HEMK2: variants seen among roughly 807,000 people sequenced by gnomAD.
The protein encoded by HEMK2 is HemK methyltransferase 2, ETF1 glutamine and histone H4 lysine, also known as methyltransferase HEMK2.
At chr21:28,675,977 C>T in the HEMK2 span, among the ~76,000 whole-genome samples, 1 of 152,146 alleles carries the variant, frequency 6.6e-6, no homozygotes. Flanking sequence ...ATTACCCTGC[C>T]CCGTGGAATT....
chr21:28,813,788 C>G, the HEMK2 span, among the ~76,000 whole-genome samples: 1 of 152,298 alleles, frequency 6.6e-6, no homozygotes, highest in African/African-American at 2.4e-5. Context: ...CTACAATTAT[C>G]TGATCTTTGA....
chr21:28,750,929 GC>G, the HEMK2 span, among the ~76,000 whole-genome samples: 1 of 152,184 alleles, frequency 6.6e-6, no homozygotes, highest in South Asian at 2.1e-4. Context: ...ACTTCAGAGA[GC>G]ATTAAGATAC....
chr21:28,704,018 C>T, the HEMK2 span, among the ~76,000 whole-genome samples: 1 of 152,154 alleles, frequency 6.6e-6, no homozygotes, highest in South Asian at 2.1e-4. Flanking sequence ...CATGTCTGCT[C>T]ATGTCACATT....
the HEMK2 span, among the ~76,000 whole-genome samples, chr21:28,622,848 G>C: frequency 1.3e-5 from 2 of 152,132 alleles, no homozygotes; most frequent in Non-Finnish European, 2.9e-5. Flanking sequence ...ATGGATTAAA[G>C]ACTTAAACGT....
the HEMK2 span, among the ~76,000 whole-genome samples, chr21:28,576,393 G>A: frequency 6.6e-6 from 1 of 152,074 alleles, no homozygotes; most frequent in Non-Finnish European, 1.5e-5. Context: ...CTCTTGTGAA[G>A]TATCTCTTTC....
At chr21:28,600,503 T>C in the HEMK2 span, among the ~76,000 whole-genome samples, 1 of 152,310 alleles carries the variant, frequency 6.6e-6, no homozygotes, top group Middle Eastern at 3.4e-3. Context: ...TGAAACCTTT[T>C]TTTCTTCCAA....
the HEMK2 span, among the ~76,000 whole-genome samples, chr21:28,696,234 G>A: frequency 2.6e-5 from 4 of 152,126 alleles, no homozygotes; most frequent in Admixed American, 2.0e-4. Context: ...TGGGAATTAT[G>A]GGAGCTACAA....
the HEMK2 span, among the ~76,000 whole-genome samples, chr21:28,617,996 C>T: frequency 9.9e-5 from 15 of 152,114 alleles, no homozygotes; most frequent in African/African-American, 3.1e-4. Flanking sequence ...CTATGTTGCC[C>T]AGGCTGGTCT....
chr21:28,646,944 C>T, the HEMK2 span, among the ~76,000 whole-genome samples: 1 of 152,062 alleles, frequency 6.6e-6, no homozygotes, highest in Non-Finnish European at 1.5e-5. Context: ...CAATCCAAAT[C>T]CAAGAGAAGA....
chr21:28,853,814 C>A, the HEMK2 span, among the ~76,000 whole-genome samples: 345 of 152,308 alleles, frequency 2.3e-3, 3 homozygotes, highest in African/African-American at 7.8e-3. Context: ...AGAGTTTACA[C>A]GCTCAATGTC....
the HEMK2 span, among the ~76,000 whole-genome samples, chr21:28,862,539 T>G: frequency 7.1e-6 from 1 of 140,608 alleles, no homozygotes; most frequent in Non-Finnish European, 1.5e-5. Context: ...CTCGGGAGGC[T>G]GAGGCAGGAG....
chr21:28,848,665 GCATCT>G, the HEMK2 span, among the ~76,000 whole-genome samples: 4,744 of 151,878 alleles, frequency 0.031, 117 homozygotes, highest in Non-Finnish European at 0.045. Flanking sequence ...ACTCCTTTAG[GCATCT>G]ATTGATAAAA....
chr21:28,810,267 A>C, the HEMK2 span, among the ~76,000 whole-genome samples: 2 of 152,304 alleles, frequency 1.3e-5, no homozygotes, highest in African/African-American at 4.8e-5. Context: ...CATCAGGAAA[A>C]CTGAAGCCAC....
the HEMK2 span, among the ~76,000 whole-genome samples, chr21:28,640,532 G>A: frequency 6.7e-4 from 102 of 152,184 alleles, no homozygotes; most frequent in Non-Finnish European, 1.2e-3. Context: ...GGAATCAGGG[G>A]CAACCACAAA....
the HEMK2 span, among the ~76,000 whole-genome samples, chr21:28,691,596 A>G: frequency 6.6e-6 from 1 of 152,142 alleles, no homozygotes; most frequent in Non-Finnish European, 1.5e-5. Flanking sequence ...CCATTTCTCC[A>G]AAAAGTTCTG....
At chr21:28,733,371 C>A in the HEMK2 span, among the ~76,000 whole-genome samples, 1 of 152,198 alleles carries the variant, frequency 6.6e-6, no homozygotes, top group Non-Finnish European at 1.5e-5. Flanking sequence ...CTGTTTGTAG[C>A]AGAATTCCTC....
the HEMK2 span, among the ~76,000 whole-genome samples, chr21:28,730,376 A>G: frequency 1.7e-5 from 1 of 60,234 alleles, no homozygotes. Context: ...TGTCTCAAAC[A>G]CACACAGACA....
the HEMK2 span, among the ~76,000 whole-genome samples, chr21:28,806,775 G>A: frequency 7.2e-5 from 11 of 152,268 alleles, no homozygotes; most frequent in East Asian, 1.9e-4. Flanking sequence ...ATGCTGCCAC[G>A]CACCAAAGAA....
the HEMK2 span, among the ~76,000 whole-genome samples, chr21:28,647,522 A>AAG: frequency 1.3e-4 from 20 of 149,966 alleles, no homozygotes; most frequent in African/African-American, 4.7e-4. Context: ...AAAAAAAAAA[A>AAG]AAAGAAAAAG....
Sources: allele counts gnomAD v4.1 joint callset (sites outside exome capture counted in the v4.1 genomes callset), GRCh38; gene constraint gnomAD v4.1.1; transcripts MANE v1.5; gene names NCBI Gene and HGNC (gene_info 2026-07-23, HGNC 2026-07-21).